Variants in ACOT7 observed in about 807,000 individuals in gnomAD.
The protein encoded by ACOT7 is cytosolic acyl coenzyme A thioester hydrolase.
ACOT7 carries 12 observed loss-of-function variants against 40.2 expected under a neutral mutation model. The ratio of observed to expected loss-of-function variants is 0.30; its 90% CI spans 0.19 to 0.48. The LOEUF (loss-of-function observed/expected upper bound fraction) is 0.48. ACOT7 is among the 20% of genes least tolerant of loss of function. ACOT7 has a pLI of 0.99. For synonymous variants in ACOT7, 228 were observed against 219.5 expected, an observed-to-expected ratio of 1.04 and a Z score of -0.34; for missense variants, 395 against 530.8, an observed-to-expected ratio of 0.74 and a Z score of 2.51.
At chr1:6,265,783 T>C (rs1185350256) in intron 8 of ACOT7, among the ~76,000 whole-genome samples, 1 of 152,140 alleles carries the variant, frequency 6.6e-6, no homozygotes, top group African/African-American at 2.4e-5. Flanking sequence ...ATTTTGAGGG[T>C]GTCTGAAAGC....
chr1:6,277,395 G>A (rs1163006417), intron 8 of ACOT7, among the ~76,000 whole-genome samples: 1 of 152,190 alleles, frequency 6.6e-6, no homozygotes, highest in African/African-American at 2.4e-5. Context: ...GCTTTGAAGG[G>A]CTGCTATTGG....
Position 6,288,273 on chromosome 1 carries a change from T to A in ACOT7, c.829+6591A>T, listed in dbSNP as rs1389223632. Reference sequence around the variant, plus strand: ...CCAACTCCGTTGCTGGCCTGGGAACTCCACGCGCCTTTGGTGGGTGGGCAC... The same window carrying A: ...CCAACTCCGTTGCTGGCCTGGGAACACCACGCGCCTTTGGTGGGTGGGCAC... On this transcript the variant is annotated intron_variant, in intron 7 of 8. Transcript: ENST00000361521. The surrounding 1 kb of genome is among the most constrained non-coding windows in gnomAD (Gnocchi z 4.3). Among the ~76,000 whole-genome samples, 1 of 152,206 alleles carries A rather than the reference T, an allele frequency of 6.6e-6. No individual in the cohort carries two copies. Among genetic ancestry groups the A allele is most frequent in the Non-Finnish European group, 1.5e-5 (1 of 68,028 alleles).
intron 7 of ACOT7, among the ~76,000 whole-genome samples, chr1:6,281,966 G>T (rs1405698425): frequency 1.3e-5 from 2 of 152,138 alleles, no homozygotes; most frequent in African/African-American, 4.8e-5. Context: ...CCCTTGGCCA[G>T]AGTCCTCCAT....
chr1:6,351,809 C>T (rs1175422909), intron 1 of ACOT7, among the ~76,000 whole-genome samples: 4 of 152,204 alleles, frequency 2.6e-5, no homozygotes, highest in East Asian at 1.9e-4. Context: ...AGAGAAGACG[C>T]GGGCCAAGGG....
intron 1 of ACOT7, among the ~76,000 whole-genome samples, chr1:6,392,797 G>A (rs1430403833): frequency 6.6e-6 from 1 of 152,100 alleles, no homozygotes; most frequent in East Asian, 1.9e-4. Flanking sequence ...TCCACCTCTG[G>A]GGGCTTTGGT....
intron 6 of ACOT7, among the ~76,000 whole-genome samples, chr1:6,297,811 G>A (rs1362643266): frequency 6.6e-6 from 1 of 152,166 alleles, no homozygotes; most frequent in Non-Finnish European, 1.5e-5. Context: ...AAAGAGGTGA[G>A]GCAGGAACGG....
At position 6,278,959 on chromosome 1, in the gene ACOT7, G is replaced by A. The variant is rs895793028; in HGVS notation, c.1014+2143C>T. 2.0e-5 allele frequency among the ~76,000 whole-genome samples: 3 copies of A among 152,232 alleles called. No individual in the cohort carries two copies. Among genetic ancestry groups the A allele is most frequent in the South Asian group, 2.1e-4 (1 of 4,826 alleles). Reference sequence around the variant, plus strand: ...GTCCAGGAGGCAGGAAGAGGTAGGGGGCGGGGAAGGAGAGAGCTTCGGAAA... The same window carrying A: ...GTCCAGGAGGCAGGAAGAGGTAGGGAGCGGGGAAGGAGAGAGCTTCGGAAA... On this transcript the variant is annotated intron_variant, in intron 8 of 8. Transcript: ENST00000361521. This position sits in a 1 kb window ranked among gnomAD's most constrained non-coding sequence, Gnocchi z 4.1.
chr1:6,321,668 CTGCGCCCGGCTA>C (rs1359646007), intron 5 of ACOT7, among the ~76,000 whole-genome samples: 1 of 152,244 alleles, frequency 6.6e-6, no homozygotes, highest in Admixed American at 6.5e-5. Flanking sequence ...GCGCCCGCCA[CTGCGCCCGGCTA>C]ATTTTTTGTA....
intron 1 of ACOT7, among the ~76,000 whole-genome samples, chr1:6,371,422 G>C (rs867890692): frequency 6.6e-6 from 1 of 151,220 alleles, no homozygotes; most frequent in Admixed American, 6.6e-5. Context: ...GCTGTGGCAG[G>C]TGCAATCTTG....
At chr1:6,339,792 T>G (rs1350449524) in intron 2 of ACOT7, among the ~76,000 whole-genome samples, 2 of 142,662 alleles carry the variant, frequency 1.4e-5, no homozygotes, top group East Asian at 4.1e-4. Context: ...CAGGCTGGAG[T>G]GCAGTGGCAA....
chr1:6,360,763 A>G, intron 1 of ACOT7: 1 of 1,553,508 alleles, frequency 6.4e-7, no homozygotes, highest in Admixed American at 1.8e-5. Flanking sequence ...TCATCCCTCC[A>G]GGCGGGCATT....
chr1:6,298,536 C>T (rs990406677), intron 6 of ACOT7, among the ~76,000 whole-genome samples: 1 of 152,076 alleles, frequency 6.6e-6, no homozygotes, highest in Admixed American at 6.6e-5. Flanking sequence ...GGTGAAATAC[C>T]GGGAAAATAG....
chr1:6,290,904 C>T (rs551503563), intron 7 of ACOT7, among the ~76,000 whole-genome samples: 1 of 152,210 alleles, frequency 6.6e-6, no homozygotes, highest in African/African-American at 2.4e-5. Context: ...AAGTGGGGGG[C>T]CCCTGGGGGA....
Position 6,264,657 on chromosome 1 carries a change from G to A in ACOT7, c.1053C>T (p.Gly351=). 6.2e-7 allele frequency: 1 copy of A among 1,613,516 alleles called. No homozygotes were observed. Among genetic ancestry groups the A allele is most frequent in the Non-Finnish European group, 8.5e-7 (1 of 1,179,972 alleles). ...TEDEKKRFEE[G]KGRYLQMKAK... The stretch of plus-strand genomic sequence containing the variant: ...CCTTCATCTGCAGGTACCGCCCTTT[G>A]CCTTCCTCAAAGCGCTTCTTCTCGT... The change falls in exon 9 of 9, where the codon GGC becomes GGT. Residue 351 remains glycine (G), a synonymous_variant. Transcript: ENST00000361521.
intron 6 of ACOT7, among the ~76,000 whole-genome samples, chr1:6,297,516 G>A (rs981178845): frequency 6.6e-6 from 1 of 152,176 alleles, no homozygotes; most frequent in Non-Finnish European, 1.5e-5. Flanking sequence ...GGCCAGCCAG[G>A]GCCCCCTGCT....
intron 3 of ACOT7, among the ~76,000 whole-genome samples, chr1:6,335,242 G>A (rs1641066688): frequency 6.8e-6 from 1 of 147,984 alleles, no homozygotes; most frequent in African/African-American, 2.5e-5. Context: ...CAGGAGAACA[G>A]CTTGAACCCA....
At chr1:6,286,540 G>A (rs1639508754) in intron 7 of ACOT7, among the ~76,000 whole-genome samples, 1 of 152,166 alleles carries the variant, frequency 6.6e-6, no homozygotes, top group Admixed American at 6.5e-5. Context: ...AGTCAGATGG[G>A]CCTGGATTTA....
rs1001065753 is a variant in ACOT7, at chr1:6,288,616, G to A, written c.829+6248C>T. ...GTGGCACTGGGTTGGGCTGGTGAGG[G>A]GTGAGGGTAACAGAGGTGGCCCTCT... On this transcript the variant is annotated intron_variant, in intron 7 of 8. Transcript: ENST00000361521. The surrounding 1 kb of genome is among the most constrained non-coding windows in gnomAD (Gnocchi z 4.3). Among the ~76,000 whole-genome samples, 1 of 152,192 alleles carries A rather than the reference G, an allele frequency of 6.6e-6. No homozygotes were observed. The highest frequency in any genetic ancestry group is 1.5e-5 in the Non-Finnish European group (1 of 68,038).
chr1:6,337,665 C>T (rs1641142685), intron 3 of ACOT7, among the ~76,000 whole-genome samples: 1 of 152,034 alleles, frequency 6.6e-6, no homozygotes, highest in Admixed American at 6.6e-5. Context: ...TGTCTCCCTG[C>T]CTCTCTCCCC....
Sources: allele counts gnomAD v4.1 joint callset (sites outside exome capture counted in the v4.1 genomes callset), GRCh38; gene constraint gnomAD v4.1.1; non-coding constraint Gnocchi (gnomAD v3.1); transcripts MANE v1.5; gene names NCBI Gene and HGNC (gene_info 2026-07-23, HGNC 2026-07-21).